Variants in CACNA2D1 observed in about 807,000 individuals in gnomAD.
CACNA2D1 encodes voltage-dependent calcium channel subunit alpha-2/delta-1.
Under a neutral mutation model 171.5 loss-of-function variants are expected in CACNA2D1, and 53 were observed. The ratio of observed to expected loss-of-function variants is 0.31; its 90% CI spans 0.25 to 0.39. CACNA2D1 has a LOEUF of 0.39. CACNA2D1 is among the 10% of genes least tolerant of loss of function. CACNA2D1 has a pLI of 1.00. For missense variants in CACNA2D1, 903 were observed against 1,299.8 expected (o/e 0.69, Z 4.69); for synonymous variants, 442 against 443.1 (o/e 1.00, Z 0.03).
chr7:82,252,847 G>A (rs757222119), intron 3 of CACNA2D1, among the ~76,000 whole-genome samples: 6 of 151,780 alleles, frequency 4.0e-5, no homozygotes, highest in East Asian at 1.9e-4. Flanking sequence ...CCAAGATCAC[G>A]CCACTGCACT....
intron 3 of CACNA2D1, among the ~76,000 whole-genome samples, chr7:82,228,769 T>C (rs1424480927): frequency 6.6e-6 from 1 of 152,110 alleles, no homozygotes; most frequent in Non-Finnish European, 1.5e-5. Context: ...ATTATTATTA[T>C]TTTCTACCCT....
At position 81,981,725 on chromosome 7, in the gene CACNA2D1, C is replaced by T. The variant is rs28503796; in HGVS notation, c.1955+842G>A. On this transcript the variant is annotated intron_variant, in intron 24 of 38. Transcript: ENST00000356860. ...AAGAAGAATAAAGAACACCCTGGGACTACTGAATAGTTTCAAATAATTACA... is the reference window on the plus strand; with the variant it reads ...AAGAAGAATAAAGAACACCCTGGGATTACTGAATAGTTTCAAATAATTACA... Among the ~76,000 whole-genome samples, 1,482 of 151,962 alleles carry T rather than the reference C, an allele frequency of 9.8e-3. 26 individuals carry two copies. Among genetic ancestry groups the T allele is most frequent in the African/African-American group, 0.034 (1,418 of 41,428 alleles).
chr7:82,258,337 T>C (rs1358180890), intron 3 of CACNA2D1, among the ~76,000 whole-genome samples: 1 of 151,238 alleles, frequency 6.6e-6, no homozygotes, highest in Non-Finnish European at 1.5e-5. Context: ...TTTAGTGACC[T>C]CAGCCAAATA....
chr7:82,160,676 G>T (rs867926377), intron 4 of CACNA2D1, among the ~76,000 whole-genome samples: 5 of 151,878 alleles, frequency 3.3e-5, no homozygotes, highest in Non-Finnish European at 7.4e-5. Flanking sequence ...GTCTCCTTAC[G>T]TGGCCCAGGC....
In CACNA2D1 at chr7:81,984,610, C is replaced by T. The variant is rs1249360145; in HGVS notation, c.1873+25G>A. On this transcript the variant is annotated intron_variant, in intron 22 of 38. Transcript: ENST00000356860. ...GATACTAGGAGATAACAAATGGACC[C>T]TGAAGTCACTTTCACAGTACTTACA... 3.0e-6 allele frequency: 4 copies of T among 1,345,678 alleles called. No homozygotes were observed. The African/African-American group carries it at 4.3e-5, about 14-fold the overall frequency. 83.4% of individuals were successfully genotyped at this position (1,345,678 alleles called of 1,614,324 possible). A position where few individuals can be genotyped will look rare whatever the true frequency, so the allele number is the denominator to read the frequency against.
chr7:82,101,597 A>C (rs1334206366), intron 6 of CACNA2D1, among the ~76,000 whole-genome samples: 8 of 152,160 alleles, frequency 5.3e-5, no homozygotes, highest in Non-Finnish European at 1.2e-4. Flanking sequence ...TTCGGTTTCC[A>C]TTTAGGTTTT....
At chr7:82,104,191 TACTG>T (rs565269728) in intron 6 of CACNA2D1, among the ~76,000 whole-genome samples, 10 of 152,068 alleles carry the variant, frequency 6.6e-5, no homozygotes, top group Non-Finnish European at 1.2e-4. Context: ...GTTATTTTAA[TACTG>T]ACTTTTTTAA....
In CACNA2D1 at chr7:82,443,371, G is replaced by T; in HGVS notation, c.89C>A (p.Ala30Asp). ...GCCCGGCCCGCCGACTTACGTGACG[G>T]CCGAAGGGAACGGCTCCTCCGACGA... Reference protein sequence around the residue: ...GPSSEEPFPSAVTIKSWVDKM... With the variant: ...GPSSEEPFPSDVTIKSWVDKM... The change falls in exon 1 of 39, where the codon GCC becomes GAC. Residue 30 changes from alanine (A) to aspartate (D), a missense_variant. Transcript: ENST00000356860. 6.2e-7 allele frequency: 1 copy of T among 1,603,216 alleles called. No homozygotes were observed. Among genetic ancestry groups the T allele is most frequent in the Non-Finnish European group, 8.5e-7 (1 of 1,174,930 alleles).
intron 12 of CACNA2D1, among the ~76,000 whole-genome samples, chr7:82,031,140 A>G (rs1166017272): frequency 6.6e-6 from 1 of 151,508 alleles, no homozygotes; most frequent in Non-Finnish European, 1.5e-5. Flanking sequence ...TTTTTAATCC[A>G]GAGAGGAACA....
chr7:82,329,745 T>C (rs1817074329), intron 3 of CACNA2D1, among the ~76,000 whole-genome samples: 1 of 152,112 alleles, frequency 6.6e-6, no homozygotes, highest in South Asian at 2.1e-4. Flanking sequence ...AGGGAGCCAG[T>C]TCCTGAGATA....
At chr7:82,442,106 A>C (rs924778781) in intron 1 of CACNA2D1, among the ~76,000 whole-genome samples, 2 of 151,970 alleles carry the variant, frequency 1.3e-5, no homozygotes, top group African/African-American at 4.8e-5. Flanking sequence ...AAAATTAGAC[A>C]CTCCCCTTCT....
chr7:82,101,153 A>G (rs1563049472), intron 6 of CACNA2D1, among the ~76,000 whole-genome samples: 2 of 152,154 alleles, frequency 1.3e-5, no homozygotes, highest in African/African-American at 4.8e-5. Flanking sequence ...ACACACTAAC[A>G]TAAAATGAAA....
intron 1 of CACNA2D1, among the ~76,000 whole-genome samples, chr7:82,355,651 T>C (rs1175726684): frequency 1.3e-5 from 2 of 152,130 alleles, no homozygotes; most frequent in Admixed American, 1.3e-4. Flanking sequence ...CCCGTGCTCC[T>C]ATGGCTCCTA....
intron 3 of CACNA2D1, among the ~76,000 whole-genome samples, chr7:82,304,662 T>C (rs1174453839): frequency 6.6e-6 from 1 of 152,086 alleles, no homozygotes; most frequent in Non-Finnish European, 1.5e-5. Context: ...GTTTATTTTA[T>C]GGAGGTAAAA....
chr7:81,988,047 C>G (rs535700803), intron 21 of CACNA2D1, among the ~76,000 whole-genome samples: 2 of 152,106 alleles, frequency 1.3e-5, no homozygotes, highest in Admixed American at 6.6e-5. Flanking sequence ...TTGTGAGACA[C>G]GTAAAACACC....
At chr7:82,115,619 G>C (rs183654318) in intron 6 of CACNA2D1, among the ~76,000 whole-genome samples, 1 of 151,210 alleles carries the variant, frequency 6.6e-6, no homozygotes, top group African/African-American at 2.4e-5. Flanking sequence ...TGAAAACAGT[G>C]GTACTTTTAA....
At position 82,085,495 on chromosome 7, in the gene CACNA2D1, G is replaced by C. The variant is rs138090500; in HGVS notation, c.527-595C>G. Among the ~76,000 whole-genome samples the C allele has an allele frequency of 1.6e-3, 243 of 149,228 alleles. 4 individuals are homozygous for C. In the East Asian group the frequency reaches 0.018, roughly 11 times the overall value. ...CAACTATTGATGACTCTCTGCGGCA[G>C]AGCAACATAAATTAGCCTGCTACCT... On this transcript the variant is annotated intron_variant, in intron 6 of 38. Coordinates refer to ENST00000356860, the MANE Select transcript of CACNA2D1 (RefSeq NM_000722.4).
intron 3 of CACNA2D1, among the ~76,000 whole-genome samples, chr7:82,228,735 C>G (rs1802606417): frequency 6.6e-6 from 1 of 152,080 alleles, no homozygotes; most frequent in Admixed American, 6.6e-5. Context: ...CATGAAACCA[C>G]CATCCCACTG....
chr7:82,429,795 C>T (rs1413546137), intron 1 of CACNA2D1, among the ~76,000 whole-genome samples: 1 of 150,342 alleles, frequency 6.7e-6, no homozygotes, highest in Admixed American at 6.6e-5. Flanking sequence ...GGGAACTAAG[C>T]TACCCATTCA....
Sources: allele counts gnomAD v4.1 joint callset (sites outside exome capture counted in the v4.1 genomes callset), GRCh38; gene constraint gnomAD v4.1.1; transcripts MANE v1.5; gene names NCBI Gene and HGNC (gene_info 2026-07-23, HGNC 2026-07-21).